TTLL7: variants seen among roughly 807,000 people sequenced by gnomAD.
TTLL7 encodes the protein tubulin tyrosine ligase like 7.
In TTLL7, 53 loss-of-function variants were observed where a neutral mutation model predicts 120.2. The ratio of observed to expected loss-of-function variants is 0.44; its 90% CI spans 0.35 to 0.55. The LOEUF (loss-of-function observed/expected upper bound fraction) is 0.55. Among genes scored for constraint, TTLL7 ranks in the 20% least tolerant of loss-of-function variants. The pLI is 0.00. For synonymous variants in TTLL7, 353 were observed against 351.7 expected, an observed-to-expected ratio of 1.00 and a Z score of -0.04; for missense variants, 803 against 1,054.7, an observed-to-expected ratio of 0.76 and a Z score of 3.31.
intron 16 of TTLL7, 124 bp from the exon 17 acceptor site, chr1:83,906,587 A>G: frequency 7.0e-7 from 1 of 1,431,660 alleles, no homozygotes; most frequent in Non-Finnish European, 9.5e-7. Context: ...ATGAAAAAGG[A>G]AGAAAATTTT....
chr1:83,910,068 T>C (rs1053180278), intron 15 of TTLL7, among the ~76,000 whole-genome samples: 3 of 152,040 alleles, frequency 2.0e-5, no homozygotes, highest in African/African-American at 4.8e-5. Flanking sequence ...ATACATTAAT[T>C]CCCCTCCAAA....
At chr1:83,920,291 A>G (rs1004101023) in intron 12 of TTLL7, among the ~76,000 whole-genome samples, 4 of 152,116 alleles carry the variant, frequency 2.6e-5, no homozygotes, top group Non-Finnish European at 5.9e-5. Context: ...GGCAAATTGG[A>G]GAAATACTGA....
At chr1:83,992,688 T>TA (rs562977948) in intron 1 of TTLL7, among the ~76,000 whole-genome samples, 5 of 150,860 alleles carry the variant, frequency 3.3e-5, no homozygotes, top group Admixed American at 6.6e-5. Flanking sequence ...TAAGAGATGC[T>TA]AAAAAAAATT....
chr1:83,884,137 GGAGA>G (rs766467166), intron 19 of TTLL7, among the ~76,000 whole-genome samples: 32 of 148,188 alleles, frequency 2.2e-4, no homozygotes, highest in Admixed American at 1.7e-3. Context: ...AGGGAGGGAG[GGAGA>G]GAGAGAGAGA....
At chr1:83,943,022 G>T (rs191105422) in intron 6 of TTLL7, among the ~76,000 whole-genome samples, 182 of 152,302 alleles carry the variant, frequency 1.2e-3, no homozygotes, top group South Asian at 2.5e-3. Context: ...GTCCTGGAGG[G>T]GGTAGAATGG....
chr1:83,952,937 G>A (rs1272382420), intron 1 of TTLL7, among the ~76,000 whole-genome samples: 2 of 152,176 alleles, frequency 1.3e-5, no homozygotes, highest in Non-Finnish European at 2.9e-5. Context: ...ATATGAGACA[G>A]TGAAAAGTGC....
intron 1 of TTLL7, among the ~76,000 whole-genome samples, chr1:83,976,232 T>G (rs1457556438): frequency 1.3e-5 from 2 of 152,232 alleles, no homozygotes; most frequent in African/African-American, 4.8e-5. Context: ...TACTTACTTG[T>G]GTTTTTATCT....
At chr1:83,904,012 T>G in intron 18 of TTLL7, 67 bp downstream of exon 18, 1 of 1,182,056 alleles carries the variant, frequency 8.5e-7, no homozygotes. Context: ...GTCTATGAAT[T>G]TGGCTTAATG....
At chr1:83,890,047 G>T in intron 19 of TTLL7, 1 of 478,980 alleles carries the variant, frequency 2.1e-6, no homozygotes, top group Non-Finnish European at 4.1e-6. Context: ...GAAGGCGACT[G>T]CAGAAGAACT....
At chr1:83,895,290 T>TA (rs1047558219) in intron 18 of TTLL7, among the ~76,000 whole-genome samples, 46 of 152,198 alleles carry the variant, frequency 3.0e-4, no homozygotes, top group African/African-American at 1.1e-3. Flanking sequence ...CCTGTCTTAG[T>TA]AAGTCATTCC....
rs532201109 is a variant in TTLL7, at chr1:83,979,282, T to C, written c.-177+19649A>G. 14 of 152,362 alleles carry C rather than the reference T, an allele frequency of 9.2e-5. No homozygotes were observed. In the South Asian group the frequency reaches 1.7e-3, roughly 18 times the overall value. The allele number at this position is 152,362 out of a possible 1,614,324, so 9.4% of individuals were successfully genotyped here. On this transcript the variant is annotated intron_variant, in intron 1 of 20. Transcript: ENST00000260505. ...TGTTGACTGACTGGGGATGAAATCA[T>C]AGCGGTGTGGAAAATGTTCCTTGTG... is the stretch of plus-strand genomic sequence containing the variant.
At chr1:83,955,359 C>G (rs1649416081) in intron 1 of TTLL7, among the ~76,000 whole-genome samples, 1 of 152,146 alleles carries the variant, frequency 6.6e-6, no homozygotes. Flanking sequence ...CTCCAAAATT[C>G]ATGTTGAAAC....
At chr1:83,986,755 G>C (rs1373920702) in intron 1 of TTLL7, among the ~76,000 whole-genome samples, 2 of 152,220 alleles carry the variant, frequency 1.3e-5, no homozygotes, top group African/African-American at 2.4e-5. Flanking sequence ...CAGCAGAATT[G>C]CTTGAATCCG....
chr1:83,947,484 TG>T (rs1367566325), intron 5 of TTLL7: 6 of 457,482 alleles, frequency 1.3e-5, no homozygotes, highest in South Asian at 3.8e-5. Context: ...GATTCATCAG[TG>T]AAAAAAAAAA....
rs768384799 is a variant in TTLL7 at position 83,906,531 on chromosome 1, A to G, written c.1993-68T>C. ...TCATTGTGCCAGTATAATCTGAAAG[A>G]TATTTCTAGGTAAAAATGATGCACT... On this transcript the variant is annotated intron_variant, in intron 16 of 20. Transcript: ENST00000260505. 4 of 1,601,740 alleles carry G rather than the reference A, an allele frequency of 2.5e-6. No homozygotes were observed. In the East Asian group the frequency reaches 6.7e-5, roughly 27 times the overall value.
intron 8 of TTLL7, among the ~76,000 whole-genome samples, chr1:83,934,286 T>C (rs943836955): frequency 6.6e-6 from 1 of 152,144 alleles, no homozygotes; most frequent in Non-Finnish European, 1.5e-5. Flanking sequence ...ACAAAGCTGA[T>C]AAATGTGGTT....
At chr1:83,905,665 G>A (rs1001959614) in intron 17 of TTLL7, among the ~76,000 whole-genome samples, 3 of 151,720 alleles carry the variant, frequency 2.0e-5, no homozygotes, top group Admixed American at 6.6e-5. Flanking sequence ...GAACGAAAAG[G>A]ATGTTTGAAT....
chr1:83,963,751 A>G (rs1472817303), intron 1 of TTLL7, among the ~76,000 whole-genome samples: 5 of 152,140 alleles, frequency 3.3e-5, no homozygotes, highest in Non-Finnish European at 4.4e-5. Flanking sequence ...CTGAGCTACT[A>G]TATCAGGGGA....
At chr1:83,942,035 CAT>C (rs1648028148) in intron 7 of TTLL7, among the ~76,000 whole-genome samples, 2 of 152,204 alleles carry the variant, frequency 1.3e-5, no homozygotes, top group Non-Finnish European at 2.9e-5. Flanking sequence ...TCACACCCTA[CAT>C]GTTATACAAA....
Sources: gnomAD v4.1 joint callset for allele counts (sites outside exome capture counted in the v4.1 genomes callset) on GRCh38, gnomAD v4.1.1 for gene constraint, MANE v1.5 for transcripts, NCBI Gene and HGNC (gene_info 2026-07-23, HGNC 2026-07-21) for gene names.